Variants in GRIP1 observed in about 807,000 individuals in gnomAD.
The protein encoded by GRIP1 is glutamate receptor-interacting protein 1.
Under a neutral mutation model 129.9 loss-of-function variants are expected in GRIP1, and 45 were observed. The ratio of observed to expected loss-of-function variants is 0.35; its 90% CI spans 0.27 to 0.44. The LOEUF (loss-of-function observed/expected upper bound fraction) is 0.44, where lower values mean the gene tolerates loss of function less well. Ranked by LOEUF, GRIP1 falls within the 20% of genes least tolerant of loss-of-function variation. The probability of loss-of-function intolerance (pLI) is 1.00; values close to 1 mark genes in which losing one functional copy is unlikely to be tolerated. For synonymous variants in GRIP1, 530 were observed against 520.8 expected, an observed-to-expected ratio of 1.02 and a Z score of -0.24; for missense variants, 1,196 against 1,396.8, an observed-to-expected ratio of 0.86 and a Z score of 2.29.
intron 1 of GRIP1, among the ~76,000 whole-genome samples, chr12:66,795,288 A>T (rs974002270): frequency 6.6e-6 from 1 of 152,230 alleles, no homozygotes; most frequent in Non-Finnish European, 1.5e-5. Flanking sequence ...TACATTTGAC[A>T]TGTGCCTAGT....
intron 9 of GRIP1, among the ~76,000 whole-genome samples, chr12:66,461,914 A>G (rs747897489): frequency 1.3e-5 from 2 of 152,190 alleles, no homozygotes; most frequent in Non-Finnish European, 2.9e-5. Context: ...TCTAATTTCA[A>G]GGAGTACAAA....
At chr12:66,783,164 A>G (rs1417736751) in intron 1 of GRIP1, among the ~76,000 whole-genome samples, 1 of 152,024 alleles carries the variant, frequency 6.6e-6, no homozygotes, top group Non-Finnish European at 1.5e-5. Context: ...CTGAGTAGCT[A>G]GGATTACAGG....
chr12:66,465,244 C>A (rs190415452), intron 8 of GRIP1, 31 bp downstream of exon 8: 5 of 1,603,986 alleles, frequency 3.1e-6, no homozygotes, highest in Admixed American at 1.7e-5. Flanking sequence ...CTGCGCCTGG[C>A]GGAAAAGTAG....
In GRIP1 at chr12:66,451,522, GC is replaced by G. The variant is rs369508885; in HGVS notation, c.1354+3886del. ...GGGCTCAAGCGATCCTTCCACCTCA[GC>G]CCCCCAGGTAGCTGGGACTATAGGT... is the stretch of plus-strand genomic sequence containing the variant. On this transcript the variant is annotated intron_variant, in intron 11 of 24. Transcript: ENST00000359742. Among the ~76,000 whole-genome samples, 17 of 145,624 alleles carry G rather than the reference GC, an allele frequency of 1.2e-4. No individual in the cohort carries two copies. The East Asian group carries it at 3.1e-3, about 27-fold the overall frequency.
intron 1 of GRIP1, among the ~76,000 whole-genome samples, chr12:66,849,575 C>T (rs538006170): frequency 2.7e-4 from 41 of 152,138 alleles, no homozygotes; most frequent in African/African-American, 8.9e-4. Context: ...GTGTTTGTGC[C>T]ACTACACTGC....
intron 14 of GRIP1, among the ~76,000 whole-genome samples, chr12:66,422,129 C>G (rs1375568808): frequency 1.3e-5 from 2 of 152,090 alleles, no homozygotes; most frequent in African/African-American, 4.8e-5. Flanking sequence ...CATATCATAT[C>G]CCATAATCCC....
chr12:66,963,075 C>T (rs1393110977), intron 1 of GRIP1, among the ~76,000 whole-genome samples: 2 of 151,988 alleles, frequency 1.3e-5, no homozygotes, highest in East Asian at 3.9e-4. Flanking sequence ...CTTTGGGAGG[C>T]CAAGGTGGGC....
chr12:66,468,375 A>C (rs61925941), intron 7 of GRIP1, among the ~76,000 whole-genome samples: 1 of 152,232 alleles, frequency 6.6e-6, no homozygotes, highest in African/African-American at 2.4e-5. Flanking sequence ...AGAAACTTCT[A>C]TCGTATTTAT....
At chr12:66,904,337 A>G (rs527359577) in intron 1 of GRIP1, among the ~76,000 whole-genome samples, 2 of 152,346 alleles carry the variant, frequency 1.3e-5, no homozygotes, top group East Asian at 3.9e-4. Context: ...CAAGAACTGC[A>G]TGGAAAAGTG....
At chr12:66,734,794 C>G (rs2036544856) in intron 1 of GRIP1, among the ~76,000 whole-genome samples, 1 of 152,058 alleles carries the variant, frequency 6.6e-6, no homozygotes, top group Non-Finnish European at 1.5e-5. Context: ...AAAAAGGCAG[C>G]ATTAGGAAAT....
chr12:66,658,899 G>A (rs141093697), intron 1 of GRIP1, among the ~76,000 whole-genome samples: 233 of 151,378 alleles, frequency 1.5e-3, no homozygotes, highest in African/African-American at 5.5e-3. Flanking sequence ...ACTCCAGTCT[G>A]AGCAACACAG....
chr12:66,501,739 C>A (rs1370065358), intron 7 of GRIP1, among the ~76,000 whole-genome samples: 1 of 152,170 alleles, frequency 6.6e-6, no homozygotes, highest in Non-Finnish European at 1.5e-5. Flanking sequence ...GGATAATTTT[C>A]TCCCTAAAAG....
chr12:66,823,939 C>A (rs1187745019), intron 1 of GRIP1, among the ~76,000 whole-genome samples: 1 of 152,196 alleles, frequency 6.6e-6, no homozygotes, highest in African/African-American at 2.4e-5. Flanking sequence ...CTGAAACAGA[C>A]AGCCTGATGA....
At chr12:66,929,311 C>T (rs1332579957) in intron 1 of GRIP1, among the ~76,000 whole-genome samples, 2 of 152,236 alleles carry the variant, frequency 1.3e-5, no homozygotes, top group Non-Finnish European at 2.9e-5. Flanking sequence ...AGAAGCCACC[C>T]TGACCACCCT....
intron 1 of GRIP1, among the ~76,000 whole-genome samples, chr12:66,769,349 G>A (rs994420828): frequency 2.6e-5 from 4 of 151,862 alleles, no homozygotes; most frequent in Admixed American, 2.0e-4. Flanking sequence ...TAAACTTCAG[G>A]TGCCACCCTC....
intron 1 of GRIP1, among the ~76,000 whole-genome samples, chr12:66,799,210 G>T (rs2038788171): frequency 6.6e-6 from 1 of 152,020 alleles, no homozygotes; most frequent in Non-Finnish European, 1.5e-5. Flanking sequence ...AGACAAGAAA[G>T]TTGGTCATAC....
At chr12:66,401,679 A>G (rs1204190445) in intron 16 of GRIP1, among the ~76,000 whole-genome samples, 3 of 151,052 alleles carry the variant, frequency 2.0e-5, no homozygotes, top group South Asian at 2.1e-4. Context: ...TTTAATCCTT[A>G]AAACAGCCAT....
chr12:66,552,245 T>C (rs572805474), intron 2 of GRIP1, among the ~76,000 whole-genome samples: 1 of 152,304 alleles, frequency 6.6e-6, no homozygotes, highest in African/African-American at 2.4e-5. Flanking sequence ...ACTTCTTAAA[T>C]AATCAGGGCA....
At chr12:66,814,201 G>A (rs759048698) in intron 1 of GRIP1, among the ~76,000 whole-genome samples, 1 of 152,044 alleles carries the variant, frequency 6.6e-6, no homozygotes, top group Non-Finnish European at 1.5e-5. Flanking sequence ...GCAACTGTGA[G>A]CAAGTTAAAC....
Sources: gnomAD v4.1 joint callset for allele counts (sites outside exome capture counted in the v4.1 genomes callset) on GRCh38, gnomAD v4.1.1 for gene constraint, MANE v1.5 for transcripts, NCBI Gene and HGNC (gene_info 2026-07-23, HGNC 2026-07-21) for gene names.